UMAD1: variants seen among roughly 807,000 people sequenced by gnomAD.
UMAD1 encodes the protein UBAP1-MVB12-associated (UMA) domain containing 1.
UMAD1 carries 8 observed loss-of-function variants against 6.1 expected under a neutral mutation model. The observed-to-expected ratio is 1.30, with a 90% CI of 0.76 to 2.35. The LOEUF is 2.35. Ranked by LOEUF, UMAD1 falls within the 30% of genes most tolerant of loss-of-function variation. The pLI, the probability that UMAD1 is intolerant of heterozygous loss-of-function variation, is 0.00. For missense variants in UMAD1, 130 were observed against 78.4 expected (o/e 1.66, Z -2.49); for synonymous variants, 56 against 31.4 (o/e 1.78, Z -2.61).
intron 2 of UMAD1, among the ~76,000 whole-genome samples, chr7:7,700,203 T>C (rs1209291980): frequency 6.6e-6 from 1 of 152,186 alleles, no homozygotes; most frequent in Non-Finnish European, 1.5e-5. Context: ...GGGCCTTCTT[T>C]CTGTTCATAG....
chr7:7,753,457 A>G (rs551212363), intron 2 of UMAD1, among the ~76,000 whole-genome samples: 22 of 152,008 alleles, frequency 1.4e-4, no homozygotes, highest in African/African-American at 5.1e-4. Flanking sequence ...CCATTCTTCT[A>G]CTCTCTATTT....
At chr7:7,796,240 C>CTTTTTTTTTTTTT (rs1782675248) in intron 2 of UMAD1, among the ~76,000 whole-genome samples, 1 of 95,984 alleles carries the variant, frequency 1.0e-5, no homozygotes, top group Admixed American at 1.1e-4. Context: ...TTTCTATTTT[C>CTTTTTTTTTTTTT]TTTCTTTTTT....
At chr7:7,697,993 C>T (rs1386465060) in intron 2 of UMAD1, among the ~76,000 whole-genome samples, 1 of 152,022 alleles carries the variant, frequency 6.6e-6, no homozygotes, top group Non-Finnish European at 1.5e-5. Flanking sequence ...GCAAGCTGAC[C>T]CCACTACTCA....
intron 2 of UMAD1, among the ~76,000 whole-genome samples, chr7:7,688,321 T>C (rs1780086934): frequency 6.6e-6 from 1 of 152,194 alleles, no homozygotes; most frequent in Admixed American, 6.5e-5. Flanking sequence ...GCATATCTCA[T>C]TGGGTACCTT....
At position 7,878,801 on chromosome 7, in the gene UMAD1, C is replaced by G. The variant is rs1170671082; in HGVS notation, c.*1263C>G. 1 of 152,096 alleles carries G rather than the reference C, an allele frequency of 6.6e-6. No individual in the cohort carries two copies. Among genetic ancestry groups the G allele is most frequent in the Non-Finnish European group, 1.5e-5 (1 of 67,996 alleles). 9.4% of individuals were successfully genotyped at this position (152,096 alleles called of 1,614,324 possible). On this transcript the variant is annotated 3_prime_UTR_variant, in exon 4 of 4. Transcript: ENST00000682710. ...TAATAAATGTGGCATGGTTTTAATA[C>G]AAATGCTATGTTATTTAAAAGTTAG...
chr7:7,787,564 T>G lies in UMAD1; in HGVS notation c.83-14106T>G, dbSNP rs144445992. 1.4e-3 allele frequency among the ~76,000 whole-genome samples: 215 copies of G among 152,314 alleles called. 1 individual carries two copies. Among genetic ancestry groups the G allele is most frequent in the African/African-American group, 4.8e-3 (200 of 41,570 alleles). On this transcript the variant is annotated intron_variant, in intron 2 of 3. Transcript: ENST00000682710. ...TTGGAGTCTCAGCCAACTTTTATATTTCATGTTATTTACCTCAAACTCCAT... is the reference window on the plus strand; with the variant it reads ...TTGGAGTCTCAGCCAACTTTTATATGTCATGTTATTTACCTCAAACTCCAT...
At chr7:7,872,778 TA>T (rs1784354939) in intron 3 of UMAD1, among the ~76,000 whole-genome samples, 1 of 152,144 alleles carries the variant, frequency 6.6e-6, no homozygotes, top group Non-Finnish European at 1.5e-5. Flanking sequence ...TGCTTTTGTT[TA>T]AAAAAGGAGA....
At chr7:7,768,284 A>G (rs576994602) in intron 2 of UMAD1, among the ~76,000 whole-genome samples, 79 of 152,336 alleles carry the variant, frequency 5.2e-4, no homozygotes, top group African/African-American at 1.8e-3. Flanking sequence ...TTCTTCCCAT[A>G]AAAAGAGAAC....
At chr7:7,874,417 A>G (rs1784380810) in intron 3 of UMAD1, among the ~76,000 whole-genome samples, 1 of 152,176 alleles carries the variant, frequency 6.6e-6, no homozygotes, top group South Asian at 2.1e-4. Context: ...GTTCTTCAAG[A>G]TTTTTTTCAT....
chr7:7,705,738 C>T (rs1382312086), intron 2 of UMAD1, among the ~76,000 whole-genome samples: 1 of 152,012 alleles, frequency 6.6e-6, no homozygotes, highest in Non-Finnish European at 1.5e-5. Context: ...ATAAATTTGT[C>T]CAAACTCATA....
rs1263443709 is a variant in UMAD1, at chr7:7,847,100, AAAAAATATATATATATATATATAT to A, written c.157-30179_157-30156del. On this transcript the variant is annotated intron_variant, in intron 3 of 3. Transcript: ENST00000682710. ...AAGACAGCAATGCAAAAAAAAAAAA[AAAAAATATATATATATATATATAT>A]ATATATATATATATATATATATATA... is the stretch of plus-strand genomic sequence containing the variant. Among the ~76,000 whole-genome samples the A allele has an allele frequency of 2.3e-3, 90 of 38,442 alleles. 5 individuals carry two copies. Among genetic ancestry groups the A allele is most frequent in the African/African-American group, 0.011 (59 of 5,476 alleles). 25.2% of individuals were successfully genotyped at this position (38,442 alleles called of 152,430 possible). A position where few individuals can be genotyped will look rare whatever the true frequency, so the allele number is the denominator to read the frequency against.
intron 3 of UMAD1, among the ~76,000 whole-genome samples, chr7:7,860,091 T>A (rs1351124448): frequency 2.0e-5 from 3 of 152,238 alleles, no homozygotes; most frequent in Admixed American, 6.5e-5. Flanking sequence ...TGTACCCTTA[T>A]AATAACCACA....
intron 2 of UMAD1, among the ~76,000 whole-genome samples, chr7:7,705,937 A>G (rs556698006): frequency 1.3e-5 from 2 of 152,164 alleles, no homozygotes; most frequent in South Asian, 2.1e-4. Flanking sequence ...CAATTTTGCT[A>G]TGAACCTAAA....
intron 3 of UMAD1, among the ~76,000 whole-genome samples, chr7:7,829,276 C>T (rs1398750522): frequency 6.6e-6 from 1 of 151,908 alleles, no homozygotes; most frequent in African/African-American, 2.4e-5. Flanking sequence ...CACTTGCATA[C>T]CTGCACTGAA....
chr7:7,829,800 C>T (rs1783425222), intron 3 of UMAD1, among the ~76,000 whole-genome samples: 1 of 152,140 alleles, frequency 6.6e-6, no homozygotes, highest in South Asian at 2.1e-4. Context: ...GTATCAGCTT[C>T]TGGATCTCCT....
chr7:7,652,821 T>G (rs575664427), intron 1 of UMAD1, among the ~76,000 whole-genome samples: 105 of 152,348 alleles, frequency 6.9e-4, no homozygotes, highest in Non-Finnish European at 1.4e-3. Context: ...GATGATGCAG[T>G]CAGGCTATAT....
intron 2 of UMAD1, among the ~76,000 whole-genome samples, chr7:7,784,821 G>A (rs1349132730): frequency 1.4e-5 from 2 of 140,966 alleles, no homozygotes; most frequent in African/African-American, 2.8e-5. Flanking sequence ...GAGTGCAGTG[G>A]CGCGATCTCG....
intron 1 of UMAD1, among the ~76,000 whole-genome samples, chr7:7,661,782 T>A (rs1189833757): frequency 6.6e-6 from 1 of 152,118 alleles, no homozygotes; most frequent in Non-Finnish European, 1.5e-5. Flanking sequence ...GAGACATGGG[T>A]GTCAGGGACC....
chr7:7,653,342 CTTCT>C (rs1251043894), intron 1 of UMAD1, among the ~76,000 whole-genome samples: 10 of 152,130 alleles, frequency 6.6e-5, no homozygotes, highest in Non-Finnish European at 1.5e-4. Context: ...TGTAAATTGC[CTTCT>C]TTGTCAGTGA....
Sources: gnomAD v4.1 joint callset for allele counts (sites outside exome capture counted in the v4.1 genomes callset) on GRCh38, gnomAD v4.1.1 for gene constraint, MANE v1.5 for transcripts, NCBI Gene and HGNC (gene_info 2026-07-23, HGNC 2026-07-21) for gene names.